TSPAN9: variants seen among roughly 807,000 people sequenced by gnomAD.
TSPAN9 encodes the protein tetraspanin 9, also known as tetraspanin-9.
In TSPAN9, 16 loss-of-function variants were observed where a neutral mutation model predicts 31.0. The observed-to-expected ratio is 0.52, with a 90% CI of 0.35 to 0.78. TSPAN9 has a LOEUF of 0.78. Ranked by LOEUF, TSPAN9 falls within the 30% of genes least tolerant of loss-of-function variation. TSPAN9 has a pLI of 0.01. For missense variants in TSPAN9, 272 were observed against 312.5 expected (o/e 0.87, Z 0.98); for synonymous variants, 145 against 121.6 (o/e 1.19, Z -1.27).
At chr12:3,233,993 A>G (rs1328190620) in intron 3 of TSPAN9, among the ~76,000 whole-genome samples, 1 of 152,212 alleles carries the variant, frequency 6.6e-6, no homozygotes, top group Non-Finnish European at 1.5e-5. Context: ...TGCAGAGAAT[A>G]GCAGAGTTAC....
intron 3 of TSPAN9, among the ~76,000 whole-genome samples, chr12:3,234,717 T>C (rs1165493515): frequency 6.6e-6 from 1 of 152,170 alleles, no homozygotes; most frequent in Non-Finnish European, 1.5e-5. Context: ...GATCAGCTGC[T>C]GATGGCAGGG....
At chr12:3,167,862 A>G (rs1591657075) in intron 2 of TSPAN9, among the ~76,000 whole-genome samples, 1 of 151,914 alleles carries the variant, frequency 6.6e-6, no homozygotes, top group Non-Finnish European at 1.5e-5. Context: ...CTTAGACCAC[A>G]CCTGCAGAGT....
intron 3 of TSPAN9, among the ~76,000 whole-genome samples, chr12:3,247,862 T>C (rs1862169910): frequency 6.6e-6 from 1 of 152,082 alleles, no homozygotes; most frequent in African/African-American, 2.4e-5. Flanking sequence ...GAGGAGGAGC[T>C]CCCCCACCAT....
intron 2 of TSPAN9, among the ~76,000 whole-genome samples, chr12:3,125,736 C>G (rs2098327077): frequency 6.6e-6 from 1 of 151,928 alleles, no homozygotes. Context: ...GTTGTTGTGG[C>G]CTGCTGGGTG....
intron 2 of TSPAN9, among the ~76,000 whole-genome samples, chr12:3,092,694 C>T (rs560577758): frequency 6.6e-6 from 1 of 152,328 alleles, no homozygotes; most frequent in African/African-American, 2.4e-5. Flanking sequence ...ATCCACCTTA[C>T]CCACTGCTTA....
chr12:3,281,265 A>G lies in TSPAN9; in HGVS notation c.500A>G (p.Asp167Gly), dbSNP rs1270069747. Residue 167 changes from aspartate to glycine, a missense_variant, in exon 7 of 9, where the codon GAC becomes GGC. Coordinates refer to ENST00000011898, the MANE Select transcript of TSPAN9 (RefSeq NM_006675.5). ...YPVLGENTVPDRCCMENSQGC... is the reference protein window; with the variant it reads ...YPVLGENTVPGRCCMENSQGC... ...GTGCTGGGGGAGAACACGGTTCCCGACCGCTGCTGCATGGAGAACTCCCAG... is the reference window on the plus strand; with the variant it reads ...GTGCTGGGGGAGAACACGGTTCCCGGCCGCTGCTGCATGGAGAACTCCCAG... 6.4e-7 allele frequency: 1 copy of G among 1,551,092 alleles called. No individual in the cohort carries two copies. The highest frequency in any genetic ancestry group is 8.7e-7 in the Non-Finnish European group (1 of 1,146,954).
chr12:3,080,061 T>C (rs2098297144), intron 1 of TSPAN9, among the ~76,000 whole-genome samples: 1 of 151,964 alleles, frequency 6.6e-6, no homozygotes, highest in Non-Finnish European at 1.5e-5. Flanking sequence ...AGTGTTGGGA[T>C]TACAGGCGTG....
chr12:3,140,477 G>A (rs114659564), intron 2 of TSPAN9, among the ~76,000 whole-genome samples: 3,256 of 152,278 alleles, frequency 0.021, 99 homozygotes, highest in African/African-American at 0.073. Flanking sequence ...ACTGGCCACG[G>A]ATCAGCTGAG....
At chr12:3,244,952 CCTCT>C (rs942151606) in intron 3 of TSPAN9, among the ~76,000 whole-genome samples, 6 of 152,140 alleles carry the variant, frequency 3.9e-5, no homozygotes, top group African/African-American at 4.8e-5. Flanking sequence ...CTTCTGCCAA[CCTCT>C]CTCTCTCACT....
intron 2 of TSPAN9, among the ~76,000 whole-genome samples, chr12:3,135,687 G>A (rs978411307): frequency 3.3e-5 from 5 of 152,116 alleles, no homozygotes; most frequent in Admixed American, 1.3e-4. Context: ...CAGGTCCATC[G>A]TATTCAAGTC....
At chr12:3,225,030 G>A (rs555453755) in intron 3 of TSPAN9, among the ~76,000 whole-genome samples, 2 of 152,246 alleles carry the variant, frequency 1.3e-5, no homozygotes, top group African/African-American at 2.4e-5. Flanking sequence ...GCACCTTTGC[G>A]GTGCACAGGA....
rs535054594 is a variant in TSPAN9 at position 3,174,736 on chromosome 12, C to T, written c.-17-26441C>T. On this transcript the variant is annotated intron_variant, in intron 2 of 8. Transcript: ENST00000011898. ...TAGCTGGGACTACAGGCGCCCACCA[C>T]CGCGCCCGGCTAATTTTTTGTATTT... Among the ~76,000 whole-genome samples, 310 of 140,418 alleles carry T rather than the reference C, an allele frequency of 2.2e-3. 4 individuals are homozygous for T. Among genetic ancestry groups the T allele is most frequent in the Admixed American group, 0.021 (288 of 13,500 alleles). The allele number at this position is 140,418 out of a possible 152,430, so 92.1% of individuals were successfully genotyped here.
At chr12:3,156,570 C>T (rs900371866) in intron 2 of TSPAN9, among the ~76,000 whole-genome samples, 20 of 151,614 alleles carry the variant, frequency 1.3e-4, no homozygotes, top group African/African-American at 4.4e-4. Flanking sequence ...GGCATGATCT[C>T]GGCTCACTGC....
chr12:3,117,296 A>T (rs2098322879), intron 2 of TSPAN9, among the ~76,000 whole-genome samples: 1 of 152,002 alleles, frequency 6.6e-6, no homozygotes, highest in Non-Finnish European at 1.5e-5. Context: ...TCCTATCCTG[A>T]TAGGGCAGAG....
chr12:3,172,486 A>G lies in TSPAN9; in HGVS notation c.-17-28691A>G, dbSNP rs1237069751. 6.6e-6 allele frequency: 1 copy of G among 152,164 alleles called. No homozygotes were observed. The highest frequency in any genetic ancestry group is 1.5e-5 in the Non-Finnish European group (1 of 68,052). The allele number at this position is 152,164 out of a possible 1,614,324, so 9.4% of individuals were successfully genotyped here. On this transcript the variant is annotated intron_variant, in intron 2 of 8. Transcript: ENST00000011898. This position sits in a 1 kb window ranked among gnomAD's most constrained non-coding sequence, Gnocchi z 4.8. ...TCTGGCGCGAGCGGGTGCTCGTGTC[A>G]CTCACCGGGGGAACTTAAACGCCGC...
At chr12:3,121,783 T>C (rs1450980431) in intron 2 of TSPAN9, among the ~76,000 whole-genome samples, 1 of 152,194 alleles carries the variant, frequency 6.6e-6, no homozygotes, top group South Asian at 2.1e-4. Flanking sequence ...CACATGGGGC[T>C]GTGCTTTCCT....
intron 2 of TSPAN9, among the ~76,000 whole-genome samples, chr12:3,100,039 C>T (rs2098311109): frequency 6.6e-6 from 1 of 152,050 alleles, no homozygotes; most frequent in Non-Finnish European, 1.5e-5. Context: ...GACGGGGTTT[C>T]ACCATGTTAG....
intron 2 of TSPAN9, among the ~76,000 whole-genome samples, chr12:3,116,158 T>C (rs2098322259): frequency 6.6e-6 from 1 of 152,220 alleles, no homozygotes; most frequent in Non-Finnish European, 1.5e-5. Context: ...ATGTCCCTGT[T>C]GCATTTGATC....
chr12:3,098,210 C>A (rs990408450), intron 2 of TSPAN9, among the ~76,000 whole-genome samples: 1 of 152,188 alleles, frequency 6.6e-6, no homozygotes, highest in African/African-American at 2.4e-5. Context: ...GTTTATGATG[C>A]CTGAAGTCCT....
Sources: gnomAD v4.1 joint callset for allele counts (sites outside exome capture counted in the v4.1 genomes callset) on GRCh38, gnomAD v4.1.1 for gene constraint, Gnocchi (gnomAD v3.1) non-coding constraint, MANE v1.5 for transcripts, NCBI Gene and HGNC (gene_info 2026-07-23, HGNC 2026-07-21) for gene names.